RELN: variants seen among roughly 807,000 people sequenced by gnomAD.
The protein encoded by RELN is reelin.
Under a neutral mutation model 427.6 loss-of-function variants are expected in RELN, and 108 were observed. The observed-to-expected ratio is 0.25, with a 90% CI of 0.22 to 0.30. RELN has a LOEUF of 0.30. Ranked by LOEUF, RELN falls within the 10% of genes least tolerant of loss-of-function variation. RELN has a pLI of 1.00. For missense variants in RELN, 3,715 were observed against 4,302.8 expected, an observed-to-expected ratio of 0.86 and a Z score of 3.82; for synonymous variants, 1,524 against 1,513.4, an observed-to-expected ratio of 1.01 and a Z score of -0.16.
intron 1 of RELN, among the ~76,000 whole-genome samples, chr7:103,932,416 C>T (rs1476580383): frequency 6.6e-6 from 1 of 152,016 alleles, no homozygotes. Flanking sequence ...GGGAGAGGAG[C>T]AGAAAACAAC....
At chr7:103,940,765 G>A (rs530561080) in intron 1 of RELN, among the ~76,000 whole-genome samples, 5 of 152,294 alleles carry the variant, frequency 3.3e-5, no homozygotes, top group East Asian at 3.9e-4. Flanking sequence ...TGGATTGGCT[G>A]GGTGATTGAT....
At chr7:103,473,218 A>C (rs968839450) in intron 64 of RELN, among the ~76,000 whole-genome samples, 2 of 152,188 alleles carry the variant, frequency 1.3e-5, no homozygotes, top group Non-Finnish European at 2.9e-5. Context: ...TTTATTCTTG[A>C]ATGCTTCCTG....
At chr7:103,973,756 T>G (rs1796811523) in intron 1 of RELN, among the ~76,000 whole-genome samples, 1 of 152,204 alleles carries the variant, frequency 6.6e-6, no homozygotes. Context: ...ATGTTAAGAT[T>G]AAAAAGATCA....
At chr7:103,656,526 G>A (rs569574989) in intron 12 of RELN, among the ~76,000 whole-genome samples, 17 of 152,128 alleles carry the variant, frequency 1.1e-4, no homozygotes, top group African/African-American at 4.1e-4. Context: ...TCAGTTTATG[G>A]GATAGCAGTG....
In RELN at chr7:103,989,046, C is replaced by T. The variant is rs569035777; in HGVS notation, c.226+85G>A. ...GTTGTCATGGTTCTTGTTTCCAAGG[C>T]CCCTTGGAAGAAGGAAAGGGATGAG... On this transcript the variant is annotated intron_variant, in intron 1 of 64. Coordinates refer to ENST00000428762, the MANE Select transcript of RELN (RefSeq NM_005045.4). The surrounding 1 kb of genome is among the most constrained non-coding windows in gnomAD (Gnocchi z 4.9). 42 of 1,216,434 alleles carry T rather than the reference C, an allele frequency of 3.5e-5. No homozygotes were observed. In the South Asian group the frequency reaches 4.5e-4, roughly 13 times the overall value. 75.4% of individuals were successfully genotyped at this position (1,216,434 alleles called of 1,614,324 possible). A position where few individuals can be genotyped will look rare whatever the true frequency, so the allele number is the denominator to read the frequency against.
At chr7:103,717,479 AC>A (rs200881458) in intron 8 of RELN, among the ~76,000 whole-genome samples, 131 of 136,672 alleles carry the variant, frequency 9.6e-4, no homozygotes, top group African/African-American at 2.1e-3. Context: ...CATATATAAA[AC>A]AAAAAAAAAA....
At chr7:103,871,911 A>T (rs535594410) in intron 2 of RELN, among the ~76,000 whole-genome samples, 142 of 152,042 alleles carry the variant, frequency 9.3e-4, no homozygotes, top group African/African-American at 3.3e-3. Flanking sequence ...TCTATATTAG[A>T]AATATTACAT....
At chr7:103,558,778 C>A (rs1292497237) in intron 36 of RELN, among the ~76,000 whole-genome samples, 1 of 143,144 alleles carries the variant, frequency 7.0e-6, no homozygotes, top group Non-Finnish European at 1.6e-5. Context: ...TTTCACTATG[C>A]AAATAGCCTA....
At chr7:103,791,637 A>C (rs544823030) in intron 3 of RELN, among the ~76,000 whole-genome samples, 26 of 152,314 alleles carry the variant, frequency 1.7e-4, no homozygotes, top group African/African-American at 6.3e-4. Flanking sequence ...CTCTTAAAGG[A>C]AAACATAGGG....
chr7:103,969,470 G>T (rs1796719586), intron 1 of RELN, among the ~76,000 whole-genome samples: 2 of 152,008 alleles, frequency 1.3e-5, no homozygotes. Flanking sequence ...GCCAGAAATG[G>T]CCAATTAGAA....
intron 51 of RELN, among the ~76,000 whole-genome samples, chr7:103,508,018 T>G (rs748969618): frequency 6.6e-6 from 1 of 151,996 alleles, no homozygotes; most frequent in East Asian, 1.9e-4. Flanking sequence ...CCAATAACAA[T>G]TTCTGAAATT....
chr7:103,530,735 T>A (rs1829920312), intron 46 of RELN, among the ~76,000 whole-genome samples: 1 of 152,290 alleles, frequency 6.6e-6, no homozygotes, highest in Admixed American at 6.5e-5. Context: ...TTCTTTCATT[T>A]ACCCACCTAA....
chr7:103,842,781 G>T (rs542523701), intron 2 of RELN, among the ~76,000 whole-genome samples: 1 of 152,124 alleles, frequency 6.6e-6, no homozygotes, highest in Non-Finnish European at 1.5e-5. Flanking sequence ...AAATGGAAGA[G>T]AAACTACCTA....
intron 6 of RELN, among the ~76,000 whole-genome samples, chr7:103,734,596 C>T (rs1242731674): frequency 6.6e-6 from 1 of 152,154 alleles, no homozygotes; most frequent in Admixed American, 6.6e-5. Context: ...TTAGGTTCCA[C>T]ATGAAGCTTA....
chr7:103,912,368 T>G (rs749023404), intron 2 of RELN, among the ~76,000 whole-genome samples: 14 of 152,028 alleles, frequency 9.2e-5, no homozygotes, highest in Non-Finnish European at 1.2e-4. Context: ...GTATTTTTAG[T>G]AGAGATGGGG....
At chr7:103,539,452 G>A (rs138772252) in intron 44 of RELN, 125 bp from the exon 45 acceptor site, 11 of 969,900 alleles carry the variant, frequency 1.1e-5, no homozygotes, top group East Asian at 7.8e-5. Context: ...GGCACTGGAC[G>A]GCCAGCAGAA....
At chr7:103,855,542 G>C (rs1002000564) in intron 2 of RELN, among the ~76,000 whole-genome samples, 1 of 152,218 alleles carries the variant, frequency 6.6e-6, no homozygotes, top group South Asian at 2.1e-4. Context: ...TTATTAAGAA[G>C]AGAGGCAGAA....
Position 103,989,100 on chromosome 7 carries a change from G to A in RELN, c.226+31C>T. ...GGTGCGCTGGCGGGCGCACCCGGCG[G>A]CGGCGAGCGCGGAGGTGCTGCGGTA... On this transcript the variant is annotated intron_variant, in intron 1 of 64. Transcript: ENST00000428762. The surrounding 1 kb of genome is among the most constrained non-coding windows in gnomAD (Gnocchi z 4.9). 1 of 1,598,666 alleles carries A rather than the reference G, an allele frequency of 6.3e-7. No homozygotes were observed. Among genetic ancestry groups the A allele is most frequent in the Non-Finnish European group, 8.6e-7 (1 of 1,167,582 alleles).
intron 16 of RELN, among the ~76,000 whole-genome samples, chr7:103,649,417 T>C (rs1584375844): frequency 6.6e-6 from 1 of 152,018 alleles, no homozygotes; most frequent in East Asian, 1.9e-4. Context: ...TAACAGGCAC[T>C]GGAGACTCAG....
Sources: gnomAD v4.1 joint callset for allele counts (sites outside exome capture counted in the v4.1 genomes callset) on GRCh38, gnomAD v4.1.1 for gene constraint, Gnocchi (gnomAD v3.1) non-coding constraint, MANE v1.5 for transcripts, NCBI Gene and HGNC (gene_info 2026-07-23, HGNC 2026-07-21) for gene names.